The following PHRF1 variants were observed in gnomAD, a reference collection of about 807,000 sequenced individuals.
The protein encoded by PHRF1 is PHD and RING finger domain-containing protein 1.
Under a neutral mutation model 128.9 loss-of-function variants are expected in PHRF1, and 53 were observed. The observed-to-expected ratio is 0.41, with a 90% CI of 0.33 to 0.52. PHRF1 has a LOEUF of 0.52. Among genes scored for constraint, PHRF1 ranks in the 20% least tolerant of loss-of-function variants. The pLI is 0.21. For synonymous variants in PHRF1, 1,178 were observed against 980.6 expected, an observed-to-expected ratio of 1.20 and a Z score of -3.76; for missense variants, 2,503 against 2,284.5, an observed-to-expected ratio of 1.10 and a Z score of -1.95.
intron 2 of PHRF1, 54 bp downstream of exon 2, chr11:581,660 T>C: frequency 6.6e-7 from 1 of 1,503,996 alleles, no homozygotes; most frequent in Non-Finnish European, 9.0e-7. Flanking sequence ...GGGTGCCTGG[T>C]GTTTCCCTTT....
chr11:592,835 G>A (rs903116506), intron 6 of PHRF1, among the ~76,000 whole-genome samples, 161 bp downstream of exon 6: 1 of 152,248 alleles, frequency 6.6e-6, no homozygotes, highest in Non-Finnish European at 1.5e-5. Context: ...GGGCCTTCCT[G>A]TTACACTCAT....
intron 9 of PHRF1, among the ~76,000 whole-genome samples, chr11:599,542 T>C (rs73396343): frequency 0.039 from 5,972 of 152,252 alleles, 403 homozygotes; most frequent in African/African-American, 0.14. Context: ...TCTGAGCCAC[T>C]GCGCCTGGCC....
At chr11:598,908 C>T (rs1010959186) in intron 9 of PHRF1, among the ~76,000 whole-genome samples, 1 of 152,170 alleles carries the variant, frequency 6.6e-6, no homozygotes. Context: ...TTGCTTCTGC[C>T]CTGTTCAGGT....
rs1421082321 is a variant in PHRF1, at chr11:608,697, C to T, written c.3241C>T (p.Pro1081Ser). Reference sequence around the variant, plus strand: ...CAAGAGCAGGGAGCACAGGCGGGGCCCCTGGGGCCACAGCCGGAGGACGTC... The same window carrying T: ...CAAGAGCAGGGAGCACAGGCGGGGCTCCTGGGGCCACAGCCGGAGGACGTC... ...KDKSREHRRG[P>S]WGHSRRTSRS... The change falls in exon 14 of 18, where the codon CCC (proline) becomes TCC (serine). Residue 1081 changes from proline (P) to serine (S), a missense_variant. Coordinates refer to ENST00000264555, the MANE Select transcript of PHRF1 (RefSeq NM_001286581.2). 1.9e-6 allele frequency: 3 copies of T among 1,611,530 alleles called. No individual in the cohort carries two copies. The highest frequency in any genetic ancestry group is 2.7e-5 in the African/African-American group (2 of 74,876).
intron 6 of PHRF1, 90 bp downstream of exon 6, chr11:592,764 A>G: frequency 7.1e-7 from 1 of 1,401,414 alleles, no homozygotes; most frequent in South Asian, 1.2e-5. Flanking sequence ...CGCTCTGTGA[A>G]GTCTGAGTCC....
Position 609,018 on chromosome 11 carries a change from C to A in PHRF1, c.3562C>A (p.Arg1188=). The A allele has an allele frequency of 6.3e-7, 1 of 1,596,500 alleles. No individual in the cohort carries two copies. The highest frequency in any genetic ancestry group is 8.5e-7 in the Non-Finnish European group (1 of 1,172,542). ...PRSREKWPQT[R]SHSPERKGAV... is the part of the protein sequence containing the mutation. ...GTCCCGTGAGAAGTGGCCGCAGACC[C>A]GGTCCCATTCCCCAGAGAGGAAGGG... Residue 1188 remains arginine, a synonymous_variant, in exon 14 of 18, where the codon CGG becomes AGG. Coordinates refer to ENST00000264555, the MANE Select transcript of PHRF1 (RefSeq NM_001286581.2).
Position 610,718 on chromosome 11 carries a change from C to A in PHRF1, c.4634C>A (p.Thr1545Asn). Reference sequence around the variant, plus strand: ...GCAGCCAGCAACTCGGAGGAGAAGACCCCGGCCCCCAGGCTAGCTGCGGAG... The same window carrying A: ...GCAGCCAGCAACTCGGAGGAGAAGAACCCGGCCCCCAGGCTAGCTGCGGAG... Reference protein sequence around the residue: ...ATAASNSEEKTPAPRLAAEKT... With the variant: ...ATAASNSEEKNPAPRLAAEKT... Residue 1545 changes from threonine to asparagine, a missense_variant, in exon 16 of 18, where the codon ACC (threonine) becomes AAC (asparagine). Physicochemically the swap from Thr to Asn is moderately conservative, Grantham distance 65. Coordinates refer to ENST00000264555, the MANE Select transcript of PHRF1 (RefSeq NM_001286581.2). 1 of 1,602,600 alleles carries A rather than the reference C, an allele frequency of 6.2e-7. No individual in the cohort carries two copies. Among genetic ancestry groups the A allele is most frequent in the Non-Finnish European group, 8.5e-7 (1 of 1,179,796 alleles).
In PHRF1 at chr11:612,077, C is replaced by T. The variant is rs1048815216; in HGVS notation, c.*300C>T. 2.5e-5 allele frequency: 11 copies of T among 433,138 alleles called. No individual in the cohort carries two copies. The highest frequency in any genetic ancestry group is 4.1e-5 in the Non-Finnish European group (10 of 244,774). The allele number at this position is 433,138 out of a possible 1,614,324, so 26.8% of individuals were successfully genotyped here. Reference sequence around the variant, plus strand: ...CTTTAGAAACCTCTTGATTGACTTACTACTTGGAAGATAAAGCACTTGGTG... The same window carrying T: ...CTTTAGAAACCTCTTGATTGACTTATTACTTGGAAGATAAAGCACTTGGTG... On this transcript the variant is annotated 3_prime_UTR_variant, in exon 18 of 18. Coordinates refer to ENST00000264555, the MANE Select transcript of PHRF1 (RefSeq NM_001286581.2).
chr11:600,497 T>TAAATAAATAAATATAC (rs1564855705), intron 9 of PHRF1, among the ~76,000 whole-genome samples: 5 of 127,364 alleles, frequency 3.9e-5, no homozygotes, highest in African/African-American at 1.9e-4. Context: ...TCCAAAAATA[T>TAAATAAATAAATATAC]ATATATATAT....
At chr11:605,480 G>A in intron 11 of PHRF1, 125 bp from the exon 12 acceptor site, 1 of 1,498,758 alleles carries the variant, frequency 6.7e-7, no homozygotes, top group Non-Finnish European at 9.0e-7. Flanking sequence ...CTGGTTCGGG[G>A]CCCGAATCAC....
chr11:595,810 A>G (rs7122021), intron 6 of PHRF1, among the ~76,000 whole-genome samples: 36,245 of 152,150 alleles, frequency 0.24, 4,652 homozygotes, highest in African/African-American at 0.32. Flanking sequence ...GGTACTGCTC[A>G]TCCTTGCCTT....
At position 608,831 on chromosome 11, in the gene PHRF1, C is replaced by A. The variant is rs1401191166; in HGVS notation, c.3375C>A (p.Pro1125=). The change falls in exon 14 of 18, where the codon CCC becomes CCA. Residue 1125 remains proline, a synonymous_variant. Transcript: ENST00000264555. The part of the protein sequence containing the change: ...ASRPRGRECS[P]TSSLERLCRH... ...GACCTCGGGGAAGGGAGTGCTCCCC[C>A]ACCAGCAGCCTGGAGAGGCTCTGCA... is the stretch of plus-strand genomic sequence containing the variant. 1.2e-6 allele frequency: 2 copies of A among 1,612,176 alleles called. No individual in the cohort carries two copies. The highest frequency in any genetic ancestry group is 1.1e-5 in the South Asian group (1 of 91,070).
Position 581,941 on chromosome 11 carries a change from G to C in PHRF1, c.95-21G>C, listed in dbSNP as rs754554497. 5.7e-6 allele frequency: 9 copies of C among 1,573,048 alleles called. No homozygotes were observed. The East Asian group carries it at 2.1e-4, about 37-fold the overall frequency. On this transcript the variant is annotated intron_variant, in intron 2 of 17. Coordinates refer to ENST00000264555, the MANE Select transcript of PHRF1 (RefSeq NM_001286581.2). ...TGGTCTTGACGCCGCCCTGCGGCCT[G>C]TGTCTCACCCTGGTGTCTAGAAGAA... is the stretch of plus-strand genomic sequence containing the variant.
Position 608,193 on chromosome 11 carries a change from G to A in PHRF1, c.2737G>A (p.Gly913Arg). 6.2e-7 allele frequency: 1 copy of A among 1,609,852 alleles called. No homozygotes were observed. Among genetic ancestry groups the A allele is most frequent in the Non-Finnish European group, 8.5e-7 (1 of 1,179,820 alleles). The change falls in exon 14 of 18, where the codon GGG becomes AGG. Residue 913 changes from glycine (G) to arginine (R), a missense_variant. Physicochemically the swap from Gly to Arg is moderately radical, Grantham distance 125 (BLOSUM62 -2). Transcript: ENST00000264555. ...SKLRGAVAAEGASDTEREEPT... is the reference protein window; with the variant it reads ...SKLRGAVAAERASDTEREEPT... ...GCTCCGGGGTGCAGTGGCTGCCGAG[G>A]GGGCCTCTGACACGGAGCGAGAGGA...
Position 605,666 on chromosome 11 carries a change from C to T in PHRF1, c.1396C>T (p.Arg466Trp), listed in dbSNP as rs567380953. ...GAGTGCCAAGAGACGGGCTCTGTCC[C>T]GGTCAGCCCTGCAGTCCCACCAGCC... ...PLSAKRRALSRSALQSHQPVA... is the reference protein window; with the variant it reads ...PLSAKRRALSWSALQSHQPVA... Residue 466 changes from arginine (R) to tryptophan (W), a missense_variant, in exon 12 of 18, where the codon CGG becomes TGG. Coordinates refer to ENST00000264555, the MANE Select transcript of PHRF1 (RefSeq NM_001286581.2). 6.4e-5 allele frequency: 103 copies of T among 1,613,536 alleles called. No individual in the cohort carries two copies. The highest frequency in any genetic ancestry group is 7.7e-5 in the Non-Finnish European group (91 of 1,179,876).
At chr11:596,010 CCTT>C (rs1246149776) in intron 6 of PHRF1, among the ~76,000 whole-genome samples, 2 of 152,212 alleles carry the variant, frequency 1.3e-5, no homozygotes, top group African/African-American at 4.8e-5. Flanking sequence ...ACAGCAGACA[CCTT>C]CTCATAGGTG....
chr11:592,784 G>C (rs751866708), intron 6 of PHRF1, 110 bp downstream of exon 6: 62 of 1,226,264 alleles, frequency 5.1e-5, no homozygotes, highest in Non-Finnish European at 7.2e-5. Context: ...CCAGCACCTG[G>C]AGCTGTGCTC....
chr11:581,596 A>G lies in PHRF1; in HGVS notation c.84A>G (p.Ala28=). The change falls in exon 2 of 18, where the codon GCA becomes GCG. Residue 28 remains alanine, a synonymous_variant. Coordinates refer to ENST00000264555, the MANE Select transcript of PHRF1 (RefSeq NM_001286581.2). ...CACAGGTCGGCCCTGCGGACCCGGC[A>G]GGTGACTTTGGTGAGCTGCCTAGCG... The part of the protein sequence containing the change: ...GHPQVGPADP[A]GDFEESSVGS... 6.2e-7 allele frequency: 1 copy of G among 1,612,594 alleles called. No homozygotes were observed. Among genetic ancestry groups the G allele is most frequent in the African/African-American group, 1.3e-5 (1 of 75,018 alleles).
Position 608,176 on chromosome 11 carries a change from G to T in PHRF1, c.2720G>T (p.Gly907Val), listed in dbSNP as rs766834922. The change falls in exon 14 of 18, where the codon GGT becomes GTT. Residue 907 changes from glycine (G) to valine (V), a missense_variant. By Grantham distance (109) the Gly-to-Val change is moderately radical. Transcript: ENST00000264555. ...GPSSAMSKLR[G>V]AVAAEGASDT... is the part of the protein sequence containing the mutation. ...TCCTCCGCCATGTCCAAGCTCCGGG[G>T]TGCAGTGGCTGCCGAGGGGGCCTCT... The T allele has an allele frequency of 5.0e-6, 8 of 1,610,490 alleles. No homozygotes were observed. In the South Asian group the frequency reaches 6.6e-5, roughly 13 times the overall value.
Sources: gnomAD v4.1 joint callset for allele counts (sites outside exome capture counted in the v4.1 genomes callset) on GRCh38, gnomAD v4.1.1 for gene constraint, MANE v1.5 for transcripts, NCBI Gene and HGNC (gene_info 2026-07-23, HGNC 2026-07-21) for gene names.